Variants in NEIL2 observed in about 807,000 individuals in gnomAD.
NEIL2 encodes the protein endonuclease 8-like 2.
Under a neutral mutation model 22.2 loss-of-function variants are expected in NEIL2, and 23 were observed. The observed-to-expected ratio is 1.04, with a 90% CI of 0.75 to 1.47. The LOEUF is 1.47. NEIL2 is among the 40% of genes most tolerant of loss of function. NEIL2 has a pLI of 0.00. For missense variants in NEIL2, 583 were observed against 404.7 expected (o/e 1.44, Z -3.78); for synonymous variants, 229 against 164.8 (o/e 1.39, Z -2.99).
rs111877937 is a variant in NEIL2 at position 11,785,072 on chromosome 8, G to A, written c.689-891G>A. ...TTTGTAGAGACAAGAAGCTCTCACT[G>A]TGTTGCCCAGGCTGGTCTTGAACTT... On this transcript the variant is annotated intron_variant, in intron 4 of 4. Transcript: ENST00000284503. Among the ~76,000 whole-genome samples, 669 of 152,294 alleles carry A rather than the reference G, an allele frequency of 4.4e-3. 5 individuals carry two copies. The highest frequency in any genetic ancestry group is 0.014 in the Middle Eastern group (4 of 294).
At position 11,783,236 on chromosome 8, in the gene NEIL2, G is replaced by C; in HGVS notation, c.525G>C (p.Leu175=). Residue 175 remains leucine, a synonymous_variant, in exon 4 of 5, where the codon CTG becomes CTC. Transcript: ENST00000284503. ...TGCACTTTGGTGGTGGTGGCTTCCT[G>C]GCATTTTATAATTGTCAGTTGTCTT... The part of the protein sequence containing the change: ...LVLHFGGGGF[L]AFYNCQLSWS... 6.2e-7 allele frequency: 1 copy of C among 1,614,244 alleles called. No homozygotes were observed. Among genetic ancestry groups the C allele is most frequent in the Non-Finnish European group, 8.5e-7 (1 of 1,180,048 alleles).
intron 2 of NEIL2, among the ~76,000 whole-genome samples, chr8:11,771,787 G>A (rs886198056): frequency 3.3e-5 from 5 of 152,180 alleles, no homozygotes; most frequent in Non-Finnish European, 7.3e-5. Flanking sequence ...AAGAACACGT[G>A]TGGATGAGCT....
chr8:11,772,471 C>G (rs887132191), intron 2 of NEIL2, among the ~76,000 whole-genome samples: 4 of 152,214 alleles, frequency 2.6e-5, no homozygotes, highest in Non-Finnish European at 2.9e-5. Context: ...AATGGTAATT[C>G]CTGGTCTTCC....
chr8:11,783,376 A>G lies in NEIL2; in HGVS notation c.665A>G (p.Asp222Gly). The G allele has an allele frequency of 1.2e-6, 2 of 1,614,104 alleles. No homozygotes were observed. Among genetic ancestry groups the G allele is most frequent in the Non-Finnish European group, 1.7e-6 (2 of 1,179,998 alleles). ...QAQPVCYTLL[D>G]QRYFSGLGNI... ...CAGCCTGTCTGCTATACACTGCTGG[A>G]CCAGAGATACTTCTCAGGGCTAGGT... Residue 222 changes from aspartate to glycine, a missense_variant, in exon 4 of 5, where the codon GAC (aspartate) becomes GGC (glycine). Asp to Gly is a moderately conservative substitution (Grantham distance 94). Transcript: ENST00000284503.
chr8:11,784,597 C>T (rs1184850390), intron 4 of NEIL2, among the ~76,000 whole-genome samples: 1 of 152,202 alleles, frequency 6.6e-6, no homozygotes, highest in Non-Finnish European at 1.5e-5. Context: ...CACAGACACT[C>T]ACTTGAGCTC....
chr8:11,773,907 C>G (rs1245274260), intron 2 of NEIL2, among the ~76,000 whole-genome samples: 1 of 152,168 alleles, frequency 6.6e-6, no homozygotes, highest in Non-Finnish European at 1.5e-5. Flanking sequence ...GGAAACCAAG[C>G]TCCTTCTACT....
chr8:11,784,366 C>G (rs1246182644), intron 4 of NEIL2, among the ~76,000 whole-genome samples: 1 of 152,240 alleles, frequency 6.6e-6, no homozygotes, highest in East Asian at 1.9e-4. Flanking sequence ...GGCACATGTT[C>G]TTGTCCTTAC....
intron 3 of NEIL2, chr8:11,782,891 C>G: frequency 4.8e-6 from 2 of 419,668 alleles, no homozygotes; most frequent in South Asian, 4.1e-5. Flanking sequence ...AGAGTGTGCT[C>G]TATGTTGTGG....
In NEIL2 at chr8:11,771,624, C is replaced by T. The variant is rs375811708; in HGVS notation, c.138+39C>T. 23 of 1,590,762 alleles carry T rather than the reference C, an allele frequency of 1.4e-5. No individual in the cohort carries two copies. In the African/African-American group the frequency reaches 1.5e-4, roughly 10 times the overall value. On this transcript the variant is annotated intron_variant, in intron 2 of 4. Transcript: ENST00000284503. ...CCTCTGAAGGGTTGGCTCTGTCGCC[C>T]ATCCTGCGCCTCCCCTAGGATCTAT...
intron 2 of NEIL2, 69 bp downstream of exon 2, chr8:11,771,654 A>T: frequency 2.6e-6 from 4 of 1,523,358 alleles, no homozygotes; most frequent in Non-Finnish European, 3.6e-6. Context: ...ATCTATCCCC[A>T]TATGTCTCAG....
chr8:11,775,056 C>T (rs934631090), intron 2 of NEIL2, among the ~76,000 whole-genome samples: 1 of 152,264 alleles, frequency 6.6e-6, no homozygotes, highest in Non-Finnish European at 1.5e-5. Flanking sequence ...CAGTGGCCCT[C>T]TTCTCACAGC....
At chr8:11,785,626 C>G (rs1486162651) in intron 4 of NEIL2, among the ~76,000 whole-genome samples, 2 of 152,204 alleles carry the variant, frequency 1.3e-5, no homozygotes, top group African/African-American at 4.8e-5. Flanking sequence ...GATAAGGAAA[C>G]TGCAGCTAAT....
intron 2 of NEIL2, among the ~76,000 whole-genome samples, chr8:11,775,312 C>G (rs1022355401): frequency 1.6e-5 from 2 of 124,978 alleles, no homozygotes; most frequent in Non-Finnish European, 3.6e-5. Flanking sequence ...GGGCTTGTAC[C>G]CTCTGAAGCA....
chr8:11,778,978 T>C (rs1406867092), intron 2 of NEIL2, among the ~76,000 whole-genome samples: 1 of 122,376 alleles, frequency 8.2e-6, no homozygotes, highest in African/African-American at 2.9e-5. Context: ...CAGCAGAACA[T>C]CCTTTAACAC....
chr8:11,779,820 G>T lies in NEIL2; in HGVS notation c.361G>T (p.Asp121Tyr). 1 of 1,614,172 alleles carries T rather than the reference G, an allele frequency of 6.2e-7. No individual in the cohort carries two copies. The highest frequency in any genetic ancestry group is 8.5e-7 in the Non-Finnish European group (1 of 1,180,014). The change falls in exon 3 of 5, where the codon GAC becomes TAC. Residue 121 changes from aspartate to tyrosine, a missense_variant. Transcript: ENST00000284503. ...GGATGATTCTGAGTATTTGGAGAGA[G>T]ACGCCCCTGCAGGAGATGCTGGGAG... The part of the protein sequence containing the change: ...GEDDSEYLER[D>Y]APAGDAGRWL...
chr8:11,785,878 G>T, intron 4 of NEIL2, 85 bp from the exon 5 acceptor site: 1 of 1,270,966 alleles, frequency 7.9e-7, no homozygotes, highest in Non-Finnish European at 1.1e-6. Flanking sequence ...TGGAAGAGCT[G>T]ATTTCTGCCT....
chr8:11,775,577 G>C (rs1208645123), intron 2 of NEIL2, among the ~76,000 whole-genome samples: 1 of 152,214 alleles, frequency 6.6e-6, no homozygotes, highest in Non-Finnish European at 1.5e-5. Flanking sequence ...TCTGCAGCCA[G>C]CTTGAATTTC....
At chr8:11,778,880 A>G (rs1804140132) in intron 2 of NEIL2, among the ~76,000 whole-genome samples, 1 of 135,884 alleles carries the variant, frequency 7.4e-6, no homozygotes, top group Admixed American at 8.3e-5. Context: ...TGAACCCAGG[A>G]GATGGAGGCT....
At chr8:11,781,054 T>G (rs1173256884) in intron 3 of NEIL2, among the ~76,000 whole-genome samples, 1 of 152,206 alleles carries the variant, frequency 6.6e-6, no homozygotes. Context: ...TTTTCTTGGT[T>G]GCTTGTAGGT....
Sources: gnomAD v4.1 joint callset for allele counts (sites outside exome capture counted in the v4.1 genomes callset) on GRCh38, gnomAD v4.1.1 for gene constraint, MANE v1.5 for transcripts, NCBI Gene and HGNC (gene_info 2026-07-23, HGNC 2026-07-21) for gene names.